The following CCDC39 variants were observed in gnomAD, a reference collection of about 807,000 sequenced individuals.
The protein encoded by CCDC39 is coiled-coil domain-containing protein 39.
Under a neutral mutation model 121.0 loss-of-function variants are expected in CCDC39, and 113 were observed. The observed-to-expected ratio is 0.93, with a 90% CI of 0.80 to 1.09. The LOEUF is 1.09. Ranked by LOEUF, CCDC39 falls within the 50% of genes least tolerant of loss-of-function variation. The pLI, the probability that CCDC39 is intolerant of heterozygous loss-of-function variation, is 0.00. For missense variants in CCDC39, 1,063 were observed against 1,074.7 expected, an observed-to-expected ratio of 0.99 and a Z score of 0.15; for synonymous variants, 349 against 352.2, an observed-to-expected ratio of 0.99 and a Z score of 0.10.
At chr3:180,666,587 G>A (rs563113595) in intron 1 of CCDC39, among the ~76,000 whole-genome samples, 143 of 152,088 alleles carry the variant, frequency 9.4e-4, no homozygotes, top group African/African-American at 3.3e-3. Context: ...ACTTTTATTT[G>A]CTTCATCAAT....
intron 1 of CCDC39, among the ~76,000 whole-genome samples, chr3:180,676,098 T>A (rs1403156545): frequency 6.6e-6 from 1 of 151,856 alleles, no homozygotes. Flanking sequence ...GGACTTCATG[T>A]CTAAAACACC....
intron 10 of CCDC39, among the ~76,000 whole-genome samples, chr3:180,647,665 C>A (rs866437750): frequency 3.7e-4 from 56 of 152,012 alleles, no homozygotes; most frequent in African/African-American, 1.3e-3. Flanking sequence ...TATACTTTAA[C>A]ATCTGTAATT....
At chr3:180,631,371 C>T (rs1300488752) in intron 14 of CCDC39, 98 bp downstream of exon 14, 5 of 1,140,872 alleles carry the variant, frequency 4.4e-6, no homozygotes, top group African/African-American at 3.1e-5. Context: ...GGGAAAGTTG[C>T]AATATTGTTG....
intron 9 of CCDC39, 73 bp downstream of exon 9, chr3:180,651,328 A>T: frequency 1.6e-6 from 2 of 1,253,086 alleles, no homozygotes; most frequent in Non-Finnish European, 2.2e-6. Flanking sequence ...TCGTCCTCTG[A>T]TCCTAGGAGT....
chr3:180,665,156 G>C (rs1711843441), intron 1 of CCDC39, among the ~76,000 whole-genome samples: 1 of 152,158 alleles, frequency 6.6e-6, no homozygotes, highest in Admixed American at 6.5e-5. Context: ...ACTGGGCTAA[G>C]TTTAAGAGAA....
Position 180,631,559 on chromosome 3 carries a change from C to T in CCDC39, c.1908G>A (p.Glu636=), listed in dbSNP as rs770356376. Residue 636 remains glutamate (E), a synonymous_variant, in exon 14 of 20, where the codon GAG becomes GAA. Coordinates refer to ENST00000476379, the MANE Select transcript of CCDC39 (RefSeq NM_181426.2). ...GAATTTCATATCTATTCTTCAGCTT[C>T]TCAATTTTACTTAGCCGCTCGCGAA... ...TEFRERLSKI[E]KLKNRYEILT... 24 of 1,608,922 alleles carry T rather than the reference C, an allele frequency of 1.5e-5. No individual in the cohort carries two copies. Among genetic ancestry groups the T allele is most frequent in the Middle Eastern group, 1.6e-4 (1 of 6,082 alleles).
At chr3:180,621,121 A>AT (rs1400657338) in intron 14 of CCDC39, among the ~76,000 whole-genome samples, 2 of 152,182 alleles carry the variant, frequency 1.3e-5, no homozygotes, top group East Asian at 1.9e-4. Context: ...TCTGGATAGT[A>AT]TTTCATTGTG....
intron 1 of CCDC39, among the ~76,000 whole-genome samples, chr3:180,673,272 T>C (rs1249265514): frequency 1.3e-5 from 2 of 152,244 alleles, no homozygotes; most frequent in Non-Finnish European, 2.9e-5. Context: ...TACAATGTTA[T>C]CAAACATTAT....
chr3:180,648,082 T>A, intron 10 of CCDC39, 83 bp downstream of exon 10: 1 of 1,139,634 alleles, frequency 8.8e-7, no homozygotes, highest in South Asian at 1.5e-5. Context: ...TTATAATTCT[T>A]TGTTTTCTTA....
At chr3:180,627,532 T>C (rs1201098378) in intron 14 of CCDC39, among the ~76,000 whole-genome samples, 1 of 152,212 alleles carries the variant, frequency 6.6e-6, no homozygotes, top group Non-Finnish European at 1.5e-5. Context: ...AAATCAGAGA[T>C]GATATATCTC....
chr3:180,675,433 T>A (rs1712168837), intron 1 of CCDC39, among the ~76,000 whole-genome samples: 1 of 152,186 alleles, frequency 6.6e-6, no homozygotes, highest in Non-Finnish European at 1.5e-5. Flanking sequence ...AAAAACCAGC[T>A]CCTGGATTCA....
rs1020790745 is a variant in CCDC39, at chr3:180,614,099, G to A, written c.*822C>T. Reference sequence around the variant, plus strand: ...AGTGTTGGGCACATGTTATAATGAAGTGTTAACTGGAAAAACTACTACATT... The same window carrying A: ...AGTGTTGGGCACATGTTATAATGAAATGTTAACTGGAAAAACTACTACATT... On this transcript the variant is annotated 3_prime_UTR_variant, in exon 20 of 20. Transcript: ENST00000476379. 7 of 194,846 alleles carry A rather than the reference G, an allele frequency of 3.6e-5. No individual in the cohort carries two copies. The highest frequency in any genetic ancestry group is 1.2e-4 in the African/African-American group (5 of 42,256). The allele number at this position is 194,846 out of a possible 1,614,324, so 12.1% of individuals were successfully genotyped here.
intron 2 of CCDC39, 146 bp from the exon 3 acceptor site, chr3:180,662,153 A>C: frequency 1.4e-6 from 1 of 705,318 alleles, no homozygotes. Flanking sequence ...TAAAATCTAC[A>C]TTACATTAGA....
At chr3:180,660,433 T>C in intron 4 of CCDC39, 137 bp downstream of exon 4, 2 of 673,130 alleles carry the variant, frequency 3.0e-6, no homozygotes, top group South Asian at 6.6e-5. Flanking sequence ...TTTGGCTTTA[T>C]TAGCTTCTCC....
intron 1 of CCDC39, among the ~76,000 whole-genome samples, chr3:180,666,631 C>A (rs1461983335): frequency 2.0e-5 from 3 of 152,152 alleles, no homozygotes; most frequent in Non-Finnish European, 4.4e-5. Context: ...GTCCCCAGAG[C>A]AAACTTCTGA....
Position 180,648,376 on chromosome 3 carries a change from T to C in CCDC39, c.1168-17A>G, listed in dbSNP as rs1576944275. On this transcript the variant is annotated splice_polypyrimidine_tract_variant and intron_variant, in intron 9 of 19. Transcript: ENST00000476379. ...ATCTACTTCCTGATAATGAGAATTA[T>C]AGTGATTAATGGAATTAAATATATT... 2.8e-6 allele frequency: 4 copies of C among 1,431,160 alleles called. No homozygotes were observed. Among genetic ancestry groups the C allele is most frequent in the South Asian group, 2.8e-5 (2 of 70,648 alleles). 88.7% of individuals were successfully genotyped at this position (1,431,160 alleles called of 1,614,324 possible).
intron 19 of CCDC39, 103 bp downstream of exon 19, chr3:180,616,178 G>A: frequency 1.1e-6 from 1 of 889,872 alleles, no homozygotes; most frequent in East Asian, 2.6e-5. Flanking sequence ...CTGGCAGTGA[G>A]TGCATGGGCC....
At chr3:180,628,155 A>T (rs1029704481) in intron 14 of CCDC39, among the ~76,000 whole-genome samples, 1 of 152,148 alleles carries the variant, frequency 6.6e-6, no homozygotes, top group African/African-American at 2.4e-5. Flanking sequence ...CCTTCAGAGG[A>T]AACCAACCCT....
chr3:180,678,594 T>G (rs1712300423), intron 1 of CCDC39, among the ~76,000 whole-genome samples: 1 of 151,986 alleles, frequency 6.6e-6, no homozygotes, highest in South Asian at 2.1e-4. Context: ...GCTTTTAGGG[T>G]TCCTCCGCCT....
Sources: allele counts gnomAD v4.1 joint callset (sites outside exome capture counted in the v4.1 genomes callset), GRCh38; gene constraint gnomAD v4.1.1; transcripts MANE v1.5; gene names NCBI Gene and HGNC (gene_info 2026-07-23, HGNC 2026-07-21).